The following STX3 variants were observed in gnomAD, a reference collection of about 807,000 sequenced individuals.
STX3 encodes the protein syntaxin 3, also known as syntaxin-3.
Under a neutral mutation model 40.2 loss-of-function variants are expected in STX3, and 19 were observed. That is an observed-to-expected ratio of 0.47 (90% CI 0.33 to 0.69). The LOEUF is 0.69. Ranked by LOEUF, STX3 falls within the 30% of genes least tolerant of loss-of-function variation. The pLI is 0.02. For missense variants in STX3, 364 were observed against 366.7 expected, an observed-to-expected ratio of 0.99 and a Z score of 0.06; for synonymous variants, 122 against 132.2, an observed-to-expected ratio of 0.92 and a Z score of 0.53.
chr11:59,763,122 C>G (rs568614472), intron 1 of STX3, among the ~76,000 whole-genome samples: 1 of 152,066 alleles, frequency 6.6e-6, no homozygotes. Flanking sequence ...TAAATACTGC[C>G]GGATGAAAGA....
intron 8 of STX3, 150 bp from the exon 9 acceptor site, chr11:59,795,220 CTG>C: frequency 1.6e-6 from 1 of 631,404 alleles, no homozygotes; most frequent in Non-Finnish European, 2.8e-6. Flanking sequence ...CCACCAAGGA[CTG>C]TGAATGGGTG....
intron 3 of STX3, among the ~76,000 whole-genome samples, chr11:59,787,652 A>G (rs747220931): frequency 2.6e-5 from 4 of 152,084 alleles, no homozygotes; most frequent in Admixed American, 6.5e-5. Flanking sequence ...TGGGTGTCCA[A>G]CCTTTTGGCT....
chr11:59,797,164 T>C (rs1865568907), intron 9 of STX3, 119 bp from the exon 10 acceptor site: 1 of 709,638 alleles, frequency 1.4e-6, no homozygotes, highest in Admixed American at 2.4e-5. Context: ...TGTAGGCCTC[T>C]TACTCAGACT....
At chr11:59,756,048 C>T (rs551443235) in intron 1 of STX3, among the ~76,000 whole-genome samples, 1 of 152,312 alleles carries the variant, frequency 6.6e-6, no homozygotes, top group South Asian at 2.1e-4. Flanking sequence ...CCCCTTCCCC[C>T]AGGGAGCAGC....
In STX3 at chr11:59,801,910, C is replaced by A. The variant is rs761926205; in HGVS notation, c.*1086C>A. ...AAATGAATCACTGTGGAAATGTGAT[C>A]TTCCCATATCATCAAGAAACTTGTT... is the stretch of plus-strand genomic sequence containing the variant. On this transcript the variant is annotated 3_prime_UTR_variant, in exon 11 of 11. Coordinates refer to ENST00000337979, the MANE Select transcript of STX3 (RefSeq NM_004177.5). 4.1e-6 allele frequency: 4 copies of A among 985,300 alleles called. No homozygotes were observed. The highest frequency in any genetic ancestry group is 3.6e-6 in the Non-Finnish European group (3 of 829,922). The allele number at this position is 985,300 out of a possible 1,614,324, so 61.0% of individuals were successfully genotyped here.
chr11:59,788,934 G>T lies in STX3; in HGVS notation c.276G>T (p.Arg92=), dbSNP rs751871588. ...TEIKKRANNV[R]NKLKSMEKHI... ...TTAAGAAAAGGGCCAACAACGTCCG[G>T]AACAAACTGAAGAGTAAGAAGGGAA... is the stretch of plus-strand genomic sequence containing the variant. The change falls in exon 4 of 11, where the codon CGG becomes CGT. Residue 92 remains arginine (R), a synonymous_variant. Transcript: ENST00000337979. 4 of 1,609,702 alleles carry T rather than the reference G, an allele frequency of 2.5e-6. No homozygotes were observed. Among genetic ancestry groups the T allele is most frequent in the South Asian group, 1.1e-5 (1 of 90,188 alleles).
intron 1 of STX3, among the ~76,000 whole-genome samples, chr11:59,760,208 T>A (rs1862958026): frequency 6.6e-6 from 1 of 152,136 alleles, no homozygotes; most frequent in South Asian, 2.1e-4. Flanking sequence ...GTCGGGGGAA[T>A]TGGCAGGAGC....
At chr11:59,788,755 A>G (rs1864923236) in intron 3 of STX3, 118 bp from the exon 4 acceptor site, 1 of 747,104 alleles carries the variant, frequency 1.3e-6, no homozygotes. Flanking sequence ...AGGGATAAAT[A>G]CCATTCTGGG....
In STX3 at chr11:59,793,493, C is replaced by A. The variant is rs371255872; in HGVS notation, c.654C>A (p.Ile218=). 6.2e-7 allele frequency: 1 copy of A among 1,613,680 alleles called. No individual in the cohort carries two copies. Among genetic ancestry groups the A allele is most frequent in the East Asian group, 2.2e-5 (1 of 44,874 alleles). ...AGCTTCACGACATGTTTATGGACAT[C>A]GCCATGCTGGTGGAGAATCAGGTAA... ...IKELHDMFMD[I]AMLVENQGEM... is the part of the protein sequence containing the mutation. Residue 218 remains isoleucine, a synonymous_variant, in exon 8 of 11, where the codon ATC becomes ATA. Transcript: ENST00000337979.
Position 59,755,448 on chromosome 11 carries a change from C to A in STX3, c.-158C>A. On this transcript the variant is annotated 5_prime_UTR_variant, in exon 1 of 11. Transcript: ENST00000337979. ...GGAGGCTCCCGTGGCCTCGGACGCT[C>A]CTCCTAGCTAGCGGCCGCCGCCCGC... is the stretch of plus-strand genomic sequence containing the variant. 1.2e-6 allele frequency: 1 copy of A among 800,970 alleles called. No homozygotes were observed. Among genetic ancestry groups the A allele is most frequent in the Non-Finnish European group, 1.8e-6 (1 of 565,796 alleles). 49.6% of individuals were successfully genotyped at this position (800,970 alleles called of 1,614,324 possible).
intron 5 of STX3, among the ~76,000 whole-genome samples, 168 bp downstream of exon 5, chr11:59,790,754 G>T (rs1865091995): frequency 6.6e-6 from 1 of 152,034 alleles, no homozygotes; most frequent in Non-Finnish European, 1.5e-5. Flanking sequence ...CCAGAGTCCA[G>T]CCCTTTTGGC....
intron 10 of STX3, among the ~76,000 whole-genome samples, chr11:59,799,077 A>G (rs1236792104): frequency 4.0e-5 from 6 of 151,712 alleles, no homozygotes; most frequent in African/African-American, 1.5e-4. Context: ...TTTTGTAGAG[A>G]TGGAGTTTTG....
chr11:59,802,394 G>A lies in STX3; in HGVS notation c.*1570G>A, dbSNP rs931697059. 5.4e-5 allele frequency: 53 copies of A among 985,594 alleles called. No homozygotes were observed. The highest frequency in any genetic ancestry group is 6.2e-5 in the Admixed American group (1 of 16,260). The allele number at this position is 985,594 out of a possible 1,614,324, so 61.1% of individuals were successfully genotyped here. A position where few individuals can be genotyped will look rare whatever the true frequency, so the allele number is the denominator to read the frequency against. ...TTTAACGCTTTCTAGGATAGGGTAA[G>A]CACCCTTAATTCAGGCACTGTCCAT... On this transcript the variant is annotated 3_prime_UTR_variant, in exon 11 of 11. Coordinates refer to ENST00000337979, the MANE Select transcript of STX3 (RefSeq NM_004177.5).
In STX3 at chr11:59,802,153, A is replaced by G; in HGVS notation, c.*1329A>G. 1 of 985,440 alleles carries G rather than the reference A, an allele frequency of 1.0e-6. No homozygotes were observed. Among genetic ancestry groups the G allele is most frequent in the Non-Finnish European group, 1.2e-6 (1 of 829,946 alleles). The allele number at this position is 985,440 out of a possible 1,614,324, so 61.0% of individuals were successfully genotyped here. On this transcript the variant is annotated 3_prime_UTR_variant, in exon 11 of 11. Coordinates refer to ENST00000337979, the MANE Select transcript of STX3 (RefSeq NM_004177.5). ...TGCAGGGCTGAGTCAGTTGGGGAAC[A>G]CCAGAGGCTACACAGTAGCTCTTCC...
intron 6 of STX3, 128 bp downstream of exon 6, chr11:59,792,343 A>C: frequency 1.5e-6 from 1 of 688,704 alleles, no homozygotes; most frequent in Non-Finnish European, 2.6e-6. Context: ...CAGCTCCTGC[A>C]CCACTGGCAC....
At chr11:59,760,645 G>C (rs1862981887) in intron 1 of STX3, among the ~76,000 whole-genome samples, 1 of 152,052 alleles carries the variant, frequency 6.6e-6, no homozygotes, top group African/African-American at 2.4e-5. Flanking sequence ...TACATACCTT[G>C]TCTCTAATTC....
chr11:59,795,970 G>A (rs924376109), intron 9 of STX3, among the ~76,000 whole-genome samples: 1 of 152,160 alleles, frequency 6.6e-6, no homozygotes, highest in Non-Finnish European at 1.5e-5. Flanking sequence ...CATGGCCCAG[G>A]TGGTGCTGCT....
At chr11:59,789,821 G>A (rs146125393) in intron 4 of STX3, among the ~76,000 whole-genome samples, 1 of 152,156 alleles carries the variant, frequency 6.6e-6, no homozygotes, top group African/African-American at 2.4e-5. Context: ...ATTTCTTGGT[G>A]GGCTAGGCAT....
In STX3 at chr11:59,803,030, A is replaced by G. The variant is rs1865952251; in HGVS notation, c.*2206A>G. 2.0e-6 allele frequency: 2 copies of G among 985,274 alleles called. No individual in the cohort carries two copies. The highest frequency in any genetic ancestry group is 2.4e-6 in the Non-Finnish European group (2 of 829,928). The allele number at this position is 985,274 out of a possible 1,614,324, so 61.0% of individuals were successfully genotyped here. A position where few individuals can be genotyped will look rare whatever the true frequency, so the allele number is the denominator to read the frequency against. On this transcript the variant is annotated 3_prime_UTR_variant, in exon 11 of 11. Coordinates refer to ENST00000337979, the MANE Select transcript of STX3 (RefSeq NM_004177.5). ...CCAAACATCCTTTTAATCTAACTTG[A>G]ATGTCTCACCAAAAATAACATTTCT...
Sources: gnomAD v4.1 joint callset for allele counts (sites outside exome capture counted in the v4.1 genomes callset) on GRCh38, gnomAD v4.1.1 for gene constraint, MANE v1.5 for transcripts, NCBI Gene and HGNC (gene_info 2026-07-23, HGNC 2026-07-21) for gene names.